Variants in DYNC2I1 observed in about 807,000 individuals in gnomAD.
DYNC2I1 encodes the protein dynein 2 intermediate chain 1.
A neutral mutation model predicts 133.4 loss-of-function variants in DYNC2I1; 89 were observed. That is an observed-to-expected ratio of 0.67 (90% CI 0.56 to 0.80). The LOEUF is 0.80. DYNC2I1 is among the 30% of genes least tolerant of loss of function. The pLI is 0.00. For missense variants in DYNC2I1, 1,291 were observed against 1,314.5 expected (o/e 0.98, Z 0.28); for synonymous variants, 504 against 484.3 (o/e 1.04, Z -0.54).
At position 158,911,578 on chromosome 7, in the gene DYNC2I1, A is replaced by G. The variant is rs1847482129; in HGVS notation, c.1489A>G (p.Ile497Val). The G allele has an allele frequency of 2.5e-6, 4 of 1,613,544 alleles. No individual in the cohort carries two copies. The African/African-American group carries it at 4.0e-5, about 16-fold the overall frequency. Reference protein sequence around the residue: ...KMRSTKLLRLIDLDFSFTFSL... With the variant: ...KMRSTKLLRLVDLDFSFTFSL... The stretch of plus-strand genomic sequence containing the variant: ...GCGAAGTACAAAACTGCTTCGGCTC[A>G]TTGACTTAGATTTTTCATTTACTTT... The change falls in exon 12 of 25, where the codon ATT (isoleucine) becomes GTT (valine). Residue 497 changes from isoleucine (I) to valine (V), a missense_variant. Coordinates refer to ENST00000407559, the MANE Select transcript of DYNC2I1 (RefSeq NM_018051.5).
chr7:158,863,586 G>T (rs1182952723), intron 1 of DYNC2I1, among the ~76,000 whole-genome samples: 1 of 145,886 alleles, frequency 6.9e-6, no homozygotes, highest in African/African-American at 2.6e-5. Flanking sequence ...GTGTGTGTGA[G>T]GGGGGCGGTG....
chr7:158,911,762 T>A, intron 12 of DYNC2I1, 83 bp downstream of exon 12: 3 of 1,458,762 alleles, frequency 2.1e-6, no homozygotes, highest in African/African-American at 1.4e-5. Flanking sequence ...AATAATGTTC[T>A]GCAATATTAG....
chr7:158,851,099 CCTTT>C, the DYNC2I1 span, among the ~76,000 whole-genome samples: 4 of 152,028 alleles, frequency 2.6e-5, no homozygotes, highest in East Asian at 7.7e-4. Flanking sequence ...AGCAAATTTA[CCTTT>C]CTGAGTTTGA....
At chr7:158,840,922 A>G in the DYNC2I1 span, among the ~76,000 whole-genome samples, 6 of 152,254 alleles carry the variant, frequency 3.9e-5, no homozygotes, top group South Asian at 1.2e-3. Flanking sequence ...CACGGAGGCC[A>G]CAAGCCTCCT....
At position 158,869,895 on chromosome 7, in the gene DYNC2I1, G is replaced by A. The variant is rs747790547; in HGVS notation, c.56G>A (p.Arg19Lys). The change falls in exon 2 of 25, where the codon AGA becomes AAA. Residue 19 changes from arginine (R) to lysine (K), a missense_variant. Transcript: ENST00000407559. ...KDDTWKADDL[R>K]KHLWAIQSGG... is the part of the protein sequence containing the mutation. ...GATACCTGGAAAGCAGATGACCTCA[G>A]AAAACATCTCTGGGTAATTATTGTA... is the stretch of plus-strand genomic sequence containing the variant. 1.2e-6 allele frequency: 2 copies of A among 1,613,594 alleles called. No homozygotes were observed. The highest frequency in any genetic ancestry group is 3.3e-5 in the Admixed American group (2 of 59,988).
At chr7:158,898,269 TG>T (rs1384069555) in intron 8 of DYNC2I1, among the ~76,000 whole-genome samples, 1 of 152,212 alleles carries the variant, frequency 6.6e-6, no homozygotes, top group Non-Finnish European at 1.5e-5. Flanking sequence ...GATGGTGCCG[TG>T]GAGTTCAGCT....
the DYNC2I1 span, among the ~76,000 whole-genome samples, chr7:158,846,098 A>C: frequency 6.6e-6 from 1 of 152,064 alleles, no homozygotes; most frequent in Non-Finnish European, 1.5e-5. Context: ...CATCTGTACA[A>C]AAATACAAAA....
chr7:158,922,483 C>T lies in DYNC2I1; in HGVS notation c.2028C>T (p.Tyr676=), dbSNP rs539583831. Reference sequence around the variant, plus strand: ...TTGTGCCCCTGCTGGACAGCAAATACGTCCTCTGTGTGTGGGATATTTGGC... The same window carrying T: ...TTGTGCCCCTGCTGGACAGCAAATATGTCCTCTGTGTGTGGGATATTTGGC... ...KSFVPLLDSK[Y]VLCVWDIWQP... is the part of the protein sequence containing the mutation. The change falls in exon 16 of 25, where the codon TAC becomes TAT. Residue 676 remains tyrosine (Y), a synonymous_variant. Coordinates refer to ENST00000407559, the MANE Select transcript of DYNC2I1 (RefSeq NM_018051.5). 4.3e-6 allele frequency: 7 copies of T among 1,613,972 alleles called. No individual in the cohort carries two copies. The highest frequency in any genetic ancestry group is 3.3e-5 in the Admixed American group (2 of 60,012).
In DYNC2I1 at chr7:158,924,453, GTGTC is replaced by G. The variant is rs1348508500; in HGVS notation, c.2257+728_2257+731del. On this transcript the variant is annotated intron_variant, in intron 17 of 24. Coordinates refer to ENST00000407559, the MANE Select transcript of DYNC2I1 (RefSeq NM_018051.5). ...GGCTTTATTATCATAGATATGTTGCGTGTCTGTCTGTGTTTGACATGTGTATCTG... is the reference window on the plus strand; with the variant it reads ...GGCTTTATTATCATAGATATGTTGCGTGTCTGTGTTTGACATGTGTATCTG... Among the ~76,000 whole-genome samples the G allele has an allele frequency of 6.6e-5, 10 of 152,134 alleles. 1 individual carries two copies. Among genetic ancestry groups the G allele is most frequent in the Non-Finnish European group, 1.2e-4 (8 of 68,030 alleles).
chr7:158,870,990 C>T (rs183001535), intron 2 of DYNC2I1, among the ~76,000 whole-genome samples, 152 bp from the exon 3 acceptor site: 147 of 152,220 alleles, frequency 9.7e-4, no homozygotes, highest in African/African-American at 3.3e-3. Context: ...GGCTTTGGCC[C>T]GTCTGGGATT....
chr7:158,850,539 A>G, the DYNC2I1 span, among the ~76,000 whole-genome samples: 1 of 152,256 alleles, frequency 6.6e-6, no homozygotes, highest in Non-Finnish European at 1.5e-5. Flanking sequence ...AGCCAGTGCT[A>G]TCAATTGTAA....
intron 7 of DYNC2I1, 54 bp downstream of exon 7, chr7:158,887,129 C>T (rs1016050992): frequency 1.0e-5 from 16 of 1,556,330 alleles, no homozygotes; most frequent in African/African-American, 8.2e-5. Flanking sequence ...TGAGATTAAC[C>T]ATAATCTTAC....
At chr7:158,955,269 G>T (rs956124405) in intron 4 of DYNC2I1, among the ~76,000 whole-genome samples, 1 of 152,182 alleles carries the variant, frequency 6.6e-6, no homozygotes, top group Non-Finnish European at 1.5e-5. Flanking sequence ...TCTGGGCCAC[G>T]CCTGCCCTTT....
Position 158,856,853 on chromosome 7 carries a change from T to C in DYNC2I1, c.15+103T>C, listed in dbSNP as rs942958070. The C allele has an allele frequency of 2.5e-6, 3 of 1,194,336 alleles. No homozygotes were observed. The East Asian group carries it at 9.7e-5, about 38-fold the overall frequency. The allele number at this position is 1,194,336 out of a possible 1,614,324, so 74.0% of individuals were successfully genotyped here. On this transcript the variant is annotated intron_variant, in intron 1 of 24. Coordinates refer to ENST00000407559, the MANE Select transcript of DYNC2I1 (RefSeq NM_018051.5). ...CCGCCCTCCCTTTGCGCAGCGGTTCTCTCGGCCGGGCCGGGGCTTCCCGGA... is the reference window on the plus strand; with the variant it reads ...CCGCCCTCCCTTTGCGCAGCGGTTCCCTCGGCCGGGCCGGGGCTTCCCGGA...
At chr7:158,890,038 G>A (rs1386881191) in intron 7 of DYNC2I1, among the ~76,000 whole-genome samples, 1 of 149,874 alleles carries the variant, frequency 6.7e-6, no homozygotes, top group Non-Finnish European at 1.5e-5. Context: ...AATAGAGGTA[G>A]GGTCTTGCTC....
intron 20 of DYNC2I1, among the ~76,000 whole-genome samples, chr7:158,928,731 C>T (rs952116271): frequency 3.3e-5 from 5 of 151,768 alleles, no homozygotes; most frequent in African/African-American, 9.7e-5. Flanking sequence ...TCCTTCTCAA[C>T]GTACACAGGT....
intron 8 of DYNC2I1, among the ~76,000 whole-genome samples, chr7:158,891,588 G>T (rs1845222556): frequency 6.6e-6 from 1 of 152,136 alleles, no homozygotes; most frequent in African/African-American, 2.4e-5. Flanking sequence ...ACACCGTCAG[G>T]TACTTGAGCC....
intron 4 of DYNC2I1, among the ~76,000 whole-genome samples, chr7:158,952,240 G>T (rs1852077167): frequency 6.6e-6 from 1 of 152,204 alleles, no homozygotes; most frequent in African/African-American, 2.4e-5. Flanking sequence ...AAAGTGGGCA[G>T]GTTCCTCCCA....
chr7:158,842,855 G>A, the DYNC2I1 span, among the ~76,000 whole-genome samples: 2 of 152,222 alleles, frequency 1.3e-5, no homozygotes, highest in African/African-American at 4.8e-5. Flanking sequence ...TGTCTGCAAA[G>A]CAGACACCAT....
Sources: allele counts gnomAD v4.1 joint callset (sites outside exome capture counted in the v4.1 genomes callset), GRCh38; gene constraint gnomAD v4.1.1; transcripts MANE v1.5; gene names NCBI Gene and HGNC (gene_info 2026-07-23, HGNC 2026-07-21).